Variants in RBFOX1 observed in about 807,000 individuals in gnomAD.
RBFOX1 encodes the protein RNA binding fox-1 homolog 1.
RBFOX1 carries 8 observed loss-of-function variants against 57.7 expected under a neutral mutation model. The observed-to-expected ratio is 0.14, with a 90% confidence interval of 0.08 to 0.25. The LOEUF is 0.25. Among genes scored for constraint, RBFOX1 ranks in the 10% least tolerant of loss-of-function variants. The pLI is 1.00. For missense variants in RBFOX1, 611 were observed against 548.5 expected (o/e 1.11, Z -1.14); for synonymous variants, 326 against 222.4 (o/e 1.47, Z -4.15).
chr16:6,759,630 G>T (rs951480997), intron 3 of RBFOX1, among the ~76,000 whole-genome samples: 1 of 151,830 alleles, frequency 6.6e-6, no homozygotes, highest in African/African-American at 2.4e-5. Flanking sequence ...AGCATGTAGG[G>T]ATTTATTTAG....
At chr16:7,550,350 C>T (rs960057685) in intron 5 of RBFOX1, among the ~76,000 whole-genome samples, 17 of 151,760 alleles carry the variant, frequency 1.1e-4, no homozygotes, top group Admixed American at 4.6e-4. Flanking sequence ...TGGCAATATG[C>T]ATATCTGCTC....
chr16:7,411,790 C>G (rs1173892107), intron 4 of RBFOX1, among the ~76,000 whole-genome samples: 1 of 151,474 alleles, frequency 6.6e-6, no homozygotes, highest in Non-Finnish European at 1.5e-5. Context: ...GTAATTCCAG[C>G]TACGTGGGAG....
chr16:5,318,052 A>G (rs1242175272), intron 1 of RBFOX1, among the ~76,000 whole-genome samples: 1 of 152,170 alleles, frequency 6.6e-6, no homozygotes, highest in Non-Finnish European at 1.5e-5. Context: ...ATGGAAGTGA[A>G]AGAGTGGATG....
At chr16:6,512,592 C>G (rs1328605031) in intron 2 of RBFOX1, among the ~76,000 whole-genome samples, 1 of 152,112 alleles carries the variant, frequency 6.6e-6, no homozygotes, top group African/African-American at 2.4e-5. Context: ...CCAATGGACA[C>G]CCATGACTGA....
At chr16:7,552,975 G>C (rs2087058210) in intron 5 of RBFOX1, among the ~76,000 whole-genome samples, 1 of 151,600 alleles carries the variant, frequency 6.6e-6, no homozygotes, top group South Asian at 2.1e-4. Flanking sequence ...GAGCCACTGA[G>C]ACCGGCCTAA....
intron 2 of RBFOX1, among the ~76,000 whole-genome samples, chr16:6,461,655 G>A (rs893685655): frequency 6.6e-6 from 1 of 152,112 alleles, no homozygotes; most frequent in Non-Finnish European, 1.5e-5. Flanking sequence ...TCCCCATAGG[G>A]ATAACATGAT....
chr16:7,672,417 A>G (rs2071770391), intron 13 of RBFOX1, among the ~76,000 whole-genome samples: 1 of 152,216 alleles, frequency 6.6e-6, no homozygotes, highest in African/African-American at 2.4e-5. Context: ...TACTTTTTGT[A>G]AACCATGAGA....
chr16:6,074,602 G>A (rs1007638929), intron 1 of RBFOX1, among the ~76,000 whole-genome samples: 8 of 152,202 alleles, frequency 5.3e-5, no homozygotes, highest in Non-Finnish European at 2.9e-5. Flanking sequence ...TGCAGTGGGG[G>A]AGAAAGATTG....
chr16:7,493,937 A>T (rs1026015221), intron 4 of RBFOX1, among the ~76,000 whole-genome samples: 2 of 152,234 alleles, frequency 1.3e-5, no homozygotes, highest in Non-Finnish European at 2.9e-5. Context: ...ATAATTTTGC[A>T]TTCTCAAATA....
chr16:6,557,143 A>G (rs907877886), intron 2 of RBFOX1, among the ~76,000 whole-genome samples: 2 of 145,166 alleles, frequency 1.4e-5, no homozygotes, highest in African/African-American at 5.2e-5. Flanking sequence ...ATATATACAT[A>G]TATACACACA....
intron 1 of RBFOX1, among the ~76,000 whole-genome samples, chr16:5,429,845 C>T (rs2067676233): frequency 6.6e-6 from 1 of 152,202 alleles, no homozygotes; most frequent in Non-Finnish European, 1.5e-5. Flanking sequence ...GTGCTAGGGG[C>T]TCCGGCTGTG....
intron 4 of RBFOX1, among the ~76,000 whole-genome samples, chr16:7,391,274 C>G (rs529911201): frequency 2.0e-5 from 3 of 152,114 alleles, no homozygotes; most frequent in African/African-American, 4.8e-5. Context: ...TGCTGATGTC[C>G]CTCTAAGAGA....
intron 2 of RBFOX1, among the ~76,000 whole-genome samples, chr16:6,342,809 G>A (rs942358783): frequency 3.3e-5 from 5 of 152,152 alleles, no homozygotes; most frequent in South Asian, 2.1e-4. Flanking sequence ...TCACAAGCTC[G>A]TCTATGCTAA....
chr16:5,386,235 T>C (rs2066251178), intron 1 of RBFOX1, among the ~76,000 whole-genome samples: 1 of 151,844 alleles, frequency 6.6e-6, no homozygotes, highest in South Asian at 2.1e-4. Flanking sequence ...GAGTGGAGGT[T>C]AGAACTGGGC....
In RBFOX1 at chr16:7,622,449, C is replaced by T. The variant is rs2059453447; in HGVS notation, c.677-8154C>T. ...ATTTCCTGTCAATGCCACTATTAGC[C>T]TACATTTTGGCTGCAGGAGATTAAG... is the stretch of plus-strand genomic sequence containing the variant. On this transcript the variant is annotated intron_variant, in intron 10 of 15. Coordinates refer to ENST00000550418, the MANE Select transcript of RBFOX1 (RefSeq NM_018723.4). Among the ~76,000 whole-genome samples the T allele has an allele frequency of 3.9e-5, 6 of 152,114 alleles. No individual in the cohort carries two copies. In the South Asian group the frequency reaches 1.2e-3, roughly 32 times the overall value.
intron 4 of RBFOX1, among the ~76,000 whole-genome samples, chr16:7,348,980 G>A (rs754124687): frequency 5.3e-5 from 8 of 152,040 alleles, no homozygotes; most frequent in East Asian, 3.9e-4. Context: ...GAGATTGATC[G>A]GCTCCAGTCA....
intron 3 of RBFOX1, among the ~76,000 whole-genome samples, chr16:6,803,480 A>G (rs1414881639): frequency 2.0e-5 from 3 of 152,158 alleles, no homozygotes; most frequent in Non-Finnish European, 2.9e-5. Flanking sequence ...AGGGACTGAA[A>G]TTTTTAGCTC....
At chr16:5,810,711 A>G (rs2055392107) in intron 3 of RBFOX1, among the ~76,000 whole-genome samples, 1 of 152,218 alleles carries the variant, frequency 6.6e-6, no homozygotes, top group Non-Finnish European at 1.5e-5. Flanking sequence ...CCAGACTTCC[A>G]TCCCATTTGG....
At chr16:7,131,110 C>G (rs2070232541) in intron 4 of RBFOX1, among the ~76,000 whole-genome samples, 1 of 152,024 alleles carries the variant, frequency 6.6e-6, no homozygotes, top group African/African-American at 2.4e-5. Flanking sequence ...TTTGGGAAGC[C>G]AAGGCGGGCA....
Sources: allele counts gnomAD v4.1 joint callset (sites outside exome capture counted in the v4.1 genomes callset), GRCh38; gene constraint gnomAD v4.1.1; transcripts MANE v1.5; gene names NCBI Gene and HGNC (gene_info 2026-07-23, HGNC 2026-07-21).